The following TRIM71 variants were observed in gnomAD, a reference collection of about 807,000 sequenced individuals.
The protein encoded by TRIM71 is E3 ubiquitin-protein ligase TRIM71.
Under a neutral mutation model 61.2 loss-of-function variants are expected in TRIM71, and 9 were observed. The ratio of observed to expected loss-of-function variants is 0.15; its 90% CI spans 0.09 to 0.26. The LOEUF (loss-of-function observed/expected upper bound fraction) is 0.26, where lower values mean the gene tolerates loss of function less well. Ranked by LOEUF, TRIM71 falls within the 10% of genes least tolerant of loss-of-function variation. TRIM71 has a pLI of 1.00. For missense variants in TRIM71, 998 were observed against 1,238.7 expected (o/e 0.81, Z 2.92); for synonymous variants, 645 against 553.2 (o/e 1.17, Z -2.33).
At chr3:32,839,661 T>TG (rs60098058) in intron 1 of TRIM71, among the ~76,000 whole-genome samples, 2,475 of 78,476 alleles carry the variant, frequency 0.032, 53 homozygotes, top group East Asian at 0.13. Flanking sequence ...GAGCTTTTTT[T>TG]GGGGGGGGGG....
In TRIM71 at chr3:32,890,222, A is replaced by T; in HGVS notation, c.1156-138A>T. The T allele has an allele frequency of 1.6e-6, 2 of 1,223,722 alleles. No homozygotes were observed. Among genetic ancestry groups the T allele is most frequent in the Non-Finnish European group, 2.3e-6 (2 of 882,906 alleles). The allele number at this position is 1,223,722 out of a possible 1,614,324, so 75.8% of individuals were successfully genotyped here. A position where few individuals can be genotyped will look rare whatever the true frequency, so the allele number is the denominator to read the frequency against. On this transcript the variant is annotated intron_variant, in intron 3 of 3. Transcript: ENST00000383763. This position sits in a 1 kb window ranked among gnomAD's most constrained non-coding sequence, Gnocchi z 6.2. ...TTTTGATTTTGCTGCTTTTGAAGAA[A>T]GACAGATGTCTTTTGTAGACCATCC...
At chr3:32,862,496 T>C (rs1338281971) in intron 1 of TRIM71, among the ~76,000 whole-genome samples, 1 of 152,220 alleles carries the variant, frequency 6.6e-6, no homozygotes, top group Non-Finnish European at 1.5e-5. Context: ...GCCCGCTGTT[T>C]AAGAGGCGAG....
chr3:32,855,490 G>C (rs940490716), intron 1 of TRIM71, among the ~76,000 whole-genome samples: 3 of 152,176 alleles, frequency 2.0e-5, no homozygotes, highest in Admixed American at 6.5e-5. Flanking sequence ...GGGTTTTAAA[G>C]AGGGGTGTGG....
chr3:32,866,007 A>G (rs1199342989), intron 1 of TRIM71, among the ~76,000 whole-genome samples: 1 of 151,628 alleles, frequency 6.6e-6, no homozygotes, highest in Non-Finnish European at 1.5e-5. Context: ...TTGTGTATTT[A>G]GAGGAGATGG....
intron 1 of TRIM71, among the ~76,000 whole-genome samples, chr3:32,829,551 A>G (rs1210812746): frequency 3.9e-5 from 6 of 152,084 alleles, no homozygotes; most frequent in Non-Finnish European, 7.4e-5. Context: ...CATATCAAGG[A>G]AGCAGATCAA....
intron 1 of TRIM71, among the ~76,000 whole-genome samples, chr3:32,822,197 G>A (rs1232794911): frequency 6.6e-6 from 1 of 152,114 alleles, no homozygotes; most frequent in East Asian, 1.9e-4. Flanking sequence ...AGCGGTGAGG[G>A]GCAGTGGGGG....
Position 32,887,481 on chromosome 3 carries a change from CTTT to C in TRIM71, c.1155+1432_1155+1434del, listed in dbSNP as rs10615630. On this transcript the variant is annotated intron_variant, in intron 3 of 3. Transcript: ENST00000383763. ...CCCTCTCTCTTTGACTAATTACTGA[CTTT>C]TTTTTTTTTTTTTTTTTTCTGTTCC... Among the ~76,000 whole-genome samples, 268 of 109,988 alleles carry C rather than the reference CTTT, an allele frequency of 2.4e-3. 2 individuals carry two copies. The highest frequency in any genetic ancestry group is 0.015 in the Middle Eastern group (3 of 194). 72.2% of individuals were successfully genotyped at this position (109,988 alleles called of 152,430 possible).
At position 32,818,347 on chromosome 3, in the gene TRIM71, G is replaced by A; in HGVS notation, c.267G>A (p.Leu89=). Reference sequence around the variant, plus strand: ...GCGCGGCGGGAGAGCCGCTCAAGCTGCGCTGCCCCGTGTGCGACCAGAAAG... The same window carrying A: ...GCGCGGCGGGAGAGCCGCTCAAGCTACGCTGCCCCGTGTGCGACCAGAAAG... ...GGGAAGEPLK[L]RCPVCDQKVV... The change falls in exon 1 of 4, where the codon CTG becomes CTA. Residue 89 remains leucine, a synonymous_variant. Coordinates refer to ENST00000383763, the MANE Select transcript of TRIM71 (RefSeq NM_001039111.3). 1.4e-6 allele frequency: 2 copies of A among 1,475,078 alleles called. No homozygotes were observed. Among genetic ancestry groups the A allele is most frequent in the African/African-American group, 1.5e-5 (1 of 68,066 alleles). 91.4% of individuals were successfully genotyped at this position (1,475,078 alleles called of 1,614,324 possible).
intron 1 of TRIM71, among the ~76,000 whole-genome samples, chr3:32,869,642 A>T (rs1438317180): frequency 6.6e-6 from 1 of 152,096 alleles, no homozygotes; most frequent in Non-Finnish European, 1.5e-5. Context: ...ATTTTTATTT[A>T]TTTATTTTCC....
At chr3:32,856,364 C>T (rs372123953) in intron 1 of TRIM71, among the ~76,000 whole-genome samples, 3 of 152,066 alleles carry the variant, frequency 2.0e-5, no homozygotes, top group African/African-American at 7.2e-5. Flanking sequence ...CCCTGCCCCC[C>T]CATCCCTACT....
chr3:32,835,712 G>A (rs1458127538), intron 1 of TRIM71, among the ~76,000 whole-genome samples: 1 of 151,918 alleles, frequency 6.6e-6, no homozygotes, highest in East Asian at 1.9e-4. Flanking sequence ...ATTTTTCTTG[G>A]GGATATCTTT....
intron 1 of TRIM71, among the ~76,000 whole-genome samples, chr3:32,838,060 T>G (rs1212352231): frequency 6.6e-6 from 1 of 152,184 alleles, no homozygotes; most frequent in Non-Finnish European, 1.5e-5. Flanking sequence ...TGCCTGGCTA[T>G]CCGGGTGTTT....
chr3:32,893,547 C>A lies in TRIM71; in HGVS notation c.*1736C>A, dbSNP rs562608109. On this transcript the variant is annotated 3_prime_UTR_variant, in exon 4 of 4. Transcript: ENST00000383763. ...CCTCCTCAGGGAAAAGAGGGACTCTCAAACAAACGTCAGTGACTTACAAGG... is the reference window on the plus strand; with the variant it reads ...CCTCCTCAGGGAAAAGAGGGACTCTAAAACAAACGTCAGTGACTTACAAGG... The A allele has an allele frequency of 1.3e-5, 2 of 152,164 alleles. No homozygotes were observed. Among genetic ancestry groups the A allele is most frequent in the Admixed American group, 6.5e-5 (1 of 15,268 alleles). The allele number at this position is 152,164 out of a possible 1,614,324, so 9.4% of individuals were successfully genotyped here.
rs1203213572 is a variant in TRIM71, at chr3:32,845,731, TG to T, written c.852+26800del. Among the ~76,000 whole-genome samples the T allele has an allele frequency of 3.9e-4, 53 of 134,764 alleles. 1 individual carries two copies. Among genetic ancestry groups the T allele is most frequent in the Middle Eastern group, 7.8e-3 (2 of 258 alleles). The allele number at this position is 134,764 out of a possible 152,430, so 88.4% of individuals were successfully genotyped here. ...CCAAGTTTGGATCTTTTTTTTTTTT[TG>T]AAACAGAGTCTCTCTGTCACCCAGG... On this transcript the variant is annotated intron_variant, in intron 1 of 3. Coordinates refer to ENST00000383763, the MANE Select transcript of TRIM71 (RefSeq NM_001039111.3).
chr3:32,853,900 A>G (rs1696567278), intron 1 of TRIM71, among the ~76,000 whole-genome samples: 1 of 152,136 alleles, frequency 6.6e-6, no homozygotes. Context: ...GCTACTCAGG[A>G]GGCTGAGGCA....
chr3:32,834,319 C>T (rs1171067227), intron 1 of TRIM71, among the ~76,000 whole-genome samples: 1 of 152,196 alleles, frequency 6.6e-6, no homozygotes, highest in African/African-American at 2.4e-5. Flanking sequence ...GGACTTGACA[C>T]AACAGCTACA....
intron 1 of TRIM71, among the ~76,000 whole-genome samples, chr3:32,867,439 GTA>G (rs1308956039): frequency 6.6e-6 from 1 of 152,122 alleles, no homozygotes; most frequent in Admixed American, 6.5e-5. Flanking sequence ...GTGTGTGTGT[GTA>G]TGTGTGTATA....
chr3:32,851,248 T>TGAAGTAAAAGAACTGAA (rs1696535583), intron 1 of TRIM71, among the ~76,000 whole-genome samples: 1 of 152,226 alleles, frequency 6.6e-6, no homozygotes, highest in Non-Finnish European at 1.5e-5. Flanking sequence ...GAAATTTGAA[T>TGAAGTAAAAGAACTGAA]TTCAGGCTAC....
intron 1 of TRIM71, among the ~76,000 whole-genome samples, chr3:32,849,845 C>T (rs1401212305): frequency 2.0e-5 from 3 of 152,180 alleles, no homozygotes; most frequent in Admixed American, 1.3e-4. Context: ...GAAAGAACTG[C>T]ACGCTCAAAA....
Sources: gnomAD v4.1 joint callset for allele counts (sites outside exome capture counted in the v4.1 genomes callset) on GRCh38, gnomAD v4.1.1 for gene constraint, Gnocchi (gnomAD v3.1) non-coding constraint, MANE v1.5 for transcripts, NCBI Gene and HGNC (gene_info 2026-07-23, HGNC 2026-07-21) for gene names.